The following GABRB2 variants were observed in gnomAD, a reference collection of about 807,000 sequenced individuals.
GABRB2 encodes the protein gamma-aminobutyric acid type A receptor subunit beta2.
Under a neutral mutation model 54.7 loss-of-function variants are expected in GABRB2, and 16 were observed. The observed-to-expected ratio is 0.29, with a 90% CI of 0.20 to 0.44. The LOEUF (loss-of-function observed/expected upper bound fraction) is 0.44, where lower values mean the gene tolerates loss of function less well. GABRB2 is among the 20% of genes least tolerant of loss of function. The probability of loss-of-function intolerance (pLI) is 1.00; values close to 1 mark genes in which losing one functional copy is unlikely to be tolerated. For synonymous variants in GABRB2, 244 were observed against 233.8 expected (o/e 1.04, Z -0.40); for missense variants, 355 against 644.0 (o/e 0.55, Z 4.86).
At chr5:161,326,799 G>C (rs1303874259) in intron 8 of GABRB2, among the ~76,000 whole-genome samples, 1 of 151,956 alleles carries the variant, frequency 6.6e-6, no homozygotes, top group African/African-American at 2.4e-5. Flanking sequence ...CCCTTAAATG[G>C]AGATCTCTGT....
Position 161,343,310 on chromosome 5 carries a change from A to G in GABRB2, c.542-6541T>C, listed in dbSNP as rs1343372404. Among the ~76,000 whole-genome samples the G allele has an allele frequency of 4.6e-5, 7 of 152,068 alleles. No homozygotes were observed. The Middle Eastern group carries it at 0.01, about 222-fold the overall frequency. ...AGGCTTGATTATCTAGTGGCATCTT[A>G]GTAAGGACACCATCAAGTAAGTCAT... On this transcript the variant is annotated intron_variant, in intron 5 of 9. Transcript: ENST00000393959.
intron 5 of GABRB2, among the ~76,000 whole-genome samples, chr5:161,343,055 G>A (rs1438549559): frequency 6.6e-6 from 1 of 152,010 alleles, no homozygotes; most frequent in African/African-American, 2.4e-5. Flanking sequence ...GCCAATTAGA[G>A]TCACTGGGAT....
intron 4 of GABRB2, among the ~76,000 whole-genome samples, chr5:161,421,458 T>G (rs896391186): frequency 8.5e-5 from 13 of 152,220 alleles, no homozygotes; most frequent in African/African-American, 3.1e-4. Flanking sequence ...ATATGTGCAA[T>G]TACTTTTTTT....
intron 5 of GABRB2, among the ~76,000 whole-genome samples, chr5:161,338,577 CA>C (rs1330563222): frequency 1.3e-5 from 2 of 151,942 alleles, no homozygotes; most frequent in Non-Finnish European, 2.9e-5. Flanking sequence ...CACTTGAGGC[CA>C]GGAGTTCAAA....
chr5:161,455,613 T>C (rs551459936), intron 4 of GABRB2, among the ~76,000 whole-genome samples: 17 of 150,448 alleles, frequency 1.1e-4, no homozygotes, highest in African/African-American at 3.9e-4. Flanking sequence ...CATTGCAACA[T>C]CCGCCTCCTG....
At chr5:161,312,732 A>G (rs774031436) in intron 9 of GABRB2, among the ~76,000 whole-genome samples, 3 of 152,216 alleles carry the variant, frequency 2.0e-5, no homozygotes, top group Non-Finnish European at 4.4e-5. Context: ...AAATTTGCCG[A>G]AATTTGTATT....
chr5:161,333,523 T>C (rs982316159), intron 7 of GABRB2, among the ~76,000 whole-genome samples: 4 of 152,200 alleles, frequency 2.6e-5, no homozygotes, highest in Non-Finnish European at 5.9e-5. Flanking sequence ...AGTGATCCCT[T>C]TAAAACAGAA....
chr5:161,397,174 C>T (rs1254145948), intron 5 of GABRB2, among the ~76,000 whole-genome samples: 4 of 152,086 alleles, frequency 2.6e-5, no homozygotes, highest in Non-Finnish European at 4.4e-5. Flanking sequence ...AACAAGAAAA[C>T]AGTGGAATTA....
chr5:161,476,078 T>A (rs998815109), intron 3 of GABRB2, among the ~76,000 whole-genome samples: 1 of 151,932 alleles, frequency 6.6e-6, no homozygotes, highest in African/African-American at 2.4e-5. Context: ...AATTATTAAA[T>A]GAATTTGGCC....
At chr5:161,336,540 G>T in intron 6 of GABRB2, 92 bp downstream of exon 6, 2 of 1,397,250 alleles carry the variant, frequency 1.4e-6, no homozygotes, top group Middle Eastern at 2.3e-4. Flanking sequence ...AAGTCATGGT[G>T]CTTCCCTGGG....
intron 5 of GABRB2, among the ~76,000 whole-genome samples, chr5:161,378,878 C>G (rs1323916872): frequency 6.6e-6 from 1 of 152,136 alleles, no homozygotes; most frequent in East Asian, 1.9e-4. Context: ...TGGAGTGCCT[C>G]ATGGAAGGCA....
intron 4 of GABRB2, among the ~76,000 whole-genome samples, chr5:161,441,064 G>A (rs1051723321): frequency 7.2e-5 from 11 of 152,078 alleles, no homozygotes; most frequent in Non-Finnish European, 1.3e-4. Flanking sequence ...CAAAGATTTC[G>A]TGAGCAGTAC....
intron 4 of GABRB2, among the ~76,000 whole-genome samples, chr5:161,415,035 G>A (rs1427567294): frequency 1.3e-5 from 2 of 152,152 alleles, no homozygotes; most frequent in East Asian, 3.9e-4. Context: ...CACAGTTAAT[G>A]AGCTTTTCAT....
chr5:161,524,863 A>C (rs1760226385), intron 3 of GABRB2, among the ~76,000 whole-genome samples: 1 of 151,360 alleles, frequency 6.6e-6, no homozygotes, highest in Admixed American at 6.6e-5. Flanking sequence ...GAAATCTCAC[A>C]CTTTCAACAC....
At chr5:161,547,931 G>A (rs973376163), upstream of GABRB2, 1 of 152,368 alleles carries the variant, frequency 6.6e-6, no homozygotes, top group Non-Finnish European at 1.5e-5. Flanking sequence ...GGCGTGCGGA[G>A]CTGGCGCCCC....
chr5:161,306,475 G>T (rs1269486752), intron 9 of GABRB2, among the ~76,000 whole-genome samples: 1 of 152,086 alleles, frequency 6.6e-6, no homozygotes, highest in East Asian at 1.9e-4. Context: ...ATTTGTCCAA[G>T]AAGCCAGAAA....
intron 4 of GABRB2, among the ~76,000 whole-genome samples, chr5:161,452,577 AGAATTCT>A (rs757618599): frequency 3.3e-5 from 5 of 152,206 alleles, no homozygotes; most frequent in Non-Finnish European, 5.9e-5. Context: ...GTTCATTGAT[AGAATTCT>A]GCTTTCTATT....
At chr5:161,392,704 A>T (rs902227853) in intron 5 of GABRB2, among the ~76,000 whole-genome samples, 1 of 152,202 alleles carries the variant, frequency 6.6e-6, no homozygotes, top group Non-Finnish European at 1.5e-5. Context: ...ACTGACTGGC[A>T]CATAGAAAGT....
At chr5:161,530,528 G>A (rs11950467) in intron 3 of GABRB2, among the ~76,000 whole-genome samples, 210 of 152,122 alleles carry the variant, frequency 1.4e-3, no homozygotes, top group African/African-American at 4.1e-3. Context: ...TATTTGCCAG[G>A]AAATCCTACT....
Sources: gnomAD v4.1 joint callset for allele counts (sites outside exome capture counted in the v4.1 genomes callset) on GRCh38, gnomAD v4.1.1 for gene constraint, MANE v1.5 for transcripts, NCBI Gene and HGNC (gene_info 2026-07-23, HGNC 2026-07-21) for gene names.